Variants in SORBS2 observed in about 807,000 individuals in gnomAD.
SORBS2 encodes the protein sorbin and SH3 domain-containing protein 2.
In SORBS2, 46 loss-of-function variants were observed where a neutral mutation model predicts 97.7. That is an observed-to-expected ratio of 0.47 (90% CI 0.37 to 0.60). SORBS2 has a LOEUF of 0.60. Among genes scored for constraint, SORBS2 ranks in the 20% least tolerant of loss-of-function variants. The pLI, the probability that SORBS2 is intolerant of heterozygous loss-of-function variation, is 0.00. For synonymous variants in SORBS2, 476 were observed against 473.4 expected (o/e 1.01, Z -0.07); for missense variants, 1,316 against 1,282.3 (o/e 1.03, Z -0.40).
At chr4:185,885,719 AG>A (rs1411727248) in intron 1 of SORBS2, among the ~76,000 whole-genome samples, 1 of 152,242 alleles carries the variant, frequency 6.6e-6, no homozygotes, top group Non-Finnish European at 1.5e-5. Context: ...TGGCTCTTTA[AG>A]ATTCCTCTAG....
At chr4:185,729,024 T>C (rs1488021475) in intron 2 of SORBS2, among the ~76,000 whole-genome samples, 1 of 152,174 alleles carries the variant, frequency 6.6e-6, no homozygotes, top group African/African-American at 2.4e-5. Context: ...TATTTGCCAG[T>C]GGTTGTTGTG....
chr4:185,614,855 T>G (rs748965542), exon 11 of SORBS2: 28 of 1,614,104 alleles, frequency 1.7e-5, no homozygotes, highest in Non-Finnish European at 2.4e-5. Flanking sequence ...GCTCCACATT[T>G]GTGTCTGCGT....
chr4:185,915,244 T>C (rs2099257466), intron 1 of SORBS2, among the ~76,000 whole-genome samples: 1 of 152,210 alleles, frequency 6.6e-6, no homozygotes, highest in Non-Finnish European at 1.5e-5. Context: ...GAATGGAGCA[T>C]TTGTTTTTGA....
chr4:185,923,803 T>A (rs2149933496), intron 1 of SORBS2, among the ~76,000 whole-genome samples: 1 of 152,268 alleles, frequency 6.6e-6, no homozygotes, highest in East Asian at 1.9e-4. Context: ...TAACATTAAC[T>A]TCTTACATTT....
chr4:185,838,214 T>C (rs907137972), intron 1 of SORBS2, among the ~76,000 whole-genome samples: 2 of 152,264 alleles, frequency 1.3e-5, no homozygotes, highest in African/African-American at 4.8e-5. Context: ...CCACAGGCCT[T>C]AGCTTCCTGC....
intron 1 of SORBS2, among the ~76,000 whole-genome samples, chr4:185,949,260 G>A (rs1247917494): frequency 6.6e-6 from 1 of 152,192 alleles, no homozygotes; most frequent in African/African-American, 2.4e-5. Flanking sequence ...GCTATGGTAG[G>A]CAGGTGTCAG....
At chr4:185,710,232 C>T (rs986841108) in intron 2 of SORBS2, among the ~76,000 whole-genome samples, 1 of 152,150 alleles carries the variant, frequency 6.6e-6, no homozygotes, top group Non-Finnish European at 1.5e-5. Context: ...TGCTTTCACT[C>T]AGTGTTCCCT....
chr4:185,666,180 A>G (rs1467817026), intron 4 of SORBS2: 2 of 1,289,348 alleles, frequency 1.6e-6, no homozygotes, highest in East Asian at 5.6e-5. Flanking sequence ...CCTCCAACAC[A>G]CTGGCAGGTA....
intron 1 of SORBS2, among the ~76,000 whole-genome samples, chr4:185,862,613 C>T (rs1341889397): frequency 6.6e-6 from 1 of 152,234 alleles, no homozygotes; most frequent in Non-Finnish European, 1.5e-5. Flanking sequence ...TCTTAGCTCA[C>T]TGAAGGCAGC....
Position 185,833,510 on chromosome 4 carries a change from T to C in SORBS2, c.-337-58144A>G, listed in dbSNP as rs115199738. 3.2e-3 allele frequency among the ~76,000 whole-genome samples: 485 copies of C among 152,354 alleles called. 5 individuals are homozygous for C. The highest frequency in any genetic ancestry group is 0.011 in the African/African-American group (451 of 41,590). ...GTGCTACTACACTATGTAATTAATA[T>C]ATGCCTTAAACACACTTTTTAAATG... On this transcript the variant is annotated intron_variant, in intron 1 of 20. Coordinates refer to the SORBS2 transcript ENST00000284776.
At position 185,607,170 on chromosome 4, in the gene SORBS2, C is replaced by G. The variant is rs1190558477; in HGVS notation, c.2796+4610G>C. On this transcript the variant is annotated intron_variant, in intron 12 of 14. Transcript: ENST00000418609. The surrounding 1 kb of genome is among the most constrained non-coding windows in gnomAD (Gnocchi z 5.2). ...CAGCTGACAAGGTTAAAGCACCAAG[C>G]TTCTCCAATTCACCCAAGAAGTTGT... The G allele has an allele frequency of 8.9e-7, 1 of 1,119,832 alleles. No individual in the cohort carries two copies. Among genetic ancestry groups the G allele is most frequent in the Non-Finnish European group, 1.1e-6 (1 of 906,964 alleles). The allele number at this position is 1,119,832 out of a possible 1,614,324, so 69.4% of individuals were successfully genotyped here. A position where few individuals can be genotyped will look rare whatever the true frequency, so the allele number is the denominator to read the frequency against.
At chr4:185,840,927 G>C (rs2099211111) in intron 1 of SORBS2, among the ~76,000 whole-genome samples, 1 of 152,128 alleles carries the variant, frequency 6.6e-6, no homozygotes, top group African/African-American at 2.4e-5. Context: ...TGTTAGCAGA[G>C]GGGCAAGAGG....
chr4:185,794,029 A>G (rs187210567), intron 1 of SORBS2, among the ~76,000 whole-genome samples: 1 of 152,360 alleles, frequency 6.6e-6, no homozygotes, highest in East Asian at 1.9e-4. Context: ...GACAAGGCAC[A>G]TACAAAGGGA....
At chr4:185,724,809 A>AGATTTT (rs2098544179) in intron 2 of SORBS2, among the ~76,000 whole-genome samples, 1 of 151,954 alleles carries the variant, frequency 6.6e-6, no homozygotes, top group South Asian at 2.1e-4. Flanking sequence ...ACAAAATTCT[A>AGATTTT]CCCATCTTTC....
At chr4:185,683,567 G>A (rs570933069) in intron 2 of SORBS2, among the ~76,000 whole-genome samples, 12 of 151,964 alleles carry the variant, frequency 7.9e-5, no homozygotes, top group Admixed American at 2.6e-4. Flanking sequence ...ATGTTCATAC[G>A]TGCATGAGCC....
At chr4:185,793,902 C>G (rs1471493761) in intron 1 of SORBS2, among the ~76,000 whole-genome samples, 1 of 152,322 alleles carries the variant, frequency 6.6e-6, no homozygotes, top group East Asian at 1.9e-4. Context: ...GCCACACCTC[C>G]TCGAAAGCTA....
chr4:185,760,563 C>CA (rs11448543), intron 2 of SORBS2, among the ~76,000 whole-genome samples: 5,827 of 147,394 alleles, frequency 0.04, 363 homozygotes, highest in African/African-American at 0.13. Context: ...AACTTTGTCT[C>CA]AAAAAAAAAA....
chr4:185,914,862 T>C (rs370818628), intron 1 of SORBS2, among the ~76,000 whole-genome samples: 8 of 152,348 alleles, frequency 5.3e-5, no homozygotes, highest in African/African-American at 1.9e-4. Flanking sequence ...TGCTGAAATG[T>C]TTATACACAA....
chr4:185,685,321 C>T (rs944169834), intron 2 of SORBS2, among the ~76,000 whole-genome samples: 1 of 152,058 alleles, frequency 6.6e-6, no homozygotes, highest in Admixed American at 6.5e-5. Flanking sequence ...CCAAAGAGAG[C>T]TTGAATAATT....
Sources: gnomAD v4.1 joint callset for allele counts (sites outside exome capture counted in the v4.1 genomes callset) on GRCh38, gnomAD v4.1.1 for gene constraint, Gnocchi (gnomAD v3.1) non-coding constraint, MANE v1.5 for transcripts, NCBI Gene and HGNC (gene_info 2026-07-23, HGNC 2026-07-21) for gene names.